Variants in ASPSCR1 observed in about 807,000 individuals in gnomAD.
ASPSCR1 encodes the protein ASPSCR1 tether for SLC2A4, UBX domain containing.
ASPSCR1 carries 55 observed loss-of-function variants against 68.9 expected under a neutral mutation model. That is an observed-to-expected ratio of 0.80 (90% CI 0.64 to 1.00). The LOEUF is 1.00. Ranked by LOEUF, ASPSCR1 falls within the 50% of genes least tolerant of loss-of-function variation. ASPSCR1 has a pLI of 0.00. For synonymous variants in ASPSCR1, 352 were observed against 332.6 expected, an observed-to-expected ratio of 1.06 and a Z score of -0.63; for missense variants, 765 against 762.2, an observed-to-expected ratio of 1.00 and a Z score of -0.04.
At chr17:82,002,837 C>T (rs1483336283) in intron 7 of ASPSCR1, among the ~76,000 whole-genome samples, 1 of 151,974 alleles carries the variant, frequency 6.6e-6, no homozygotes, top group Non-Finnish European at 1.5e-5. Context: ...GGATTACAGG[C>T]GTGAGCCACC....
At chr17:81,985,428 T>C in intron 3 of ASPSCR1, 79 bp from the exon 4 acceptor site, 1 of 1,466,314 alleles carries the variant, frequency 6.8e-7, no homozygotes, top group Non-Finnish European at 9.5e-7. Context: ...CCTCTCTGTG[T>C]CTGGAGAATC....
intron 4 of ASPSCR1, among the ~76,000 whole-genome samples, chr17:81,988,768 T>C (rs1489454267): frequency 6.6e-6 from 1 of 152,106 alleles, no homozygotes; most frequent in East Asian, 1.9e-4. Context: ...CATGTGGGTG[T>C]TGCGGGGCAT....
chr17:82,011,572 C>T lies in ASPSCR1; in HGVS notation c.1267C>T (p.His423Tyr). The change falls in exon 11 of 16, where the codon CAC (histidine) becomes TAC (tyrosine). Residue 423 changes from histidine to tyrosine, a missense_variant. Physicochemically the swap from His to Tyr is moderately conservative, Grantham distance 83. Transcript: ENST00000306739. ...VGDLRDFVRS[H>Y]LGNPELSFYL... ...GGACTTGCGAGACTTCGTGAGGAGC[C>T]ACCTGGGGAACCCCGAGCTGTCATT... The T allele has an allele frequency of 6.3e-7, 1 of 1,580,876 alleles. No homozygotes were observed. Among genetic ancestry groups the T allele is most frequent in the East Asian group, 2.3e-5 (1 of 42,594 alleles).
At chr17:81,991,265 C>T (rs535796938) in intron 4 of ASPSCR1, among the ~76,000 whole-genome samples, 1 of 152,302 alleles carries the variant, frequency 6.6e-6, no homozygotes, top group Non-Finnish European at 1.5e-5. Context: ...CCAGTGTGCC[C>T]GGCCCCTGGC....
At chr17:81,980,977 G>A (rs566049443) in intron 2 of ASPSCR1, among the ~76,000 whole-genome samples, 21 of 152,246 alleles carry the variant, frequency 1.4e-4, no homozygotes, top group African/African-American at 1.9e-4. Context: ...TCAGCCTGGG[G>A]AACATAGTGA....
intron 4 of ASPSCR1, among the ~76,000 whole-genome samples, chr17:81,991,734 C>G (rs1457819109): frequency 1.3e-5 from 2 of 152,248 alleles, no homozygotes; most frequent in Non-Finnish European, 2.9e-5. Context: ...GTGATGCCCT[C>G]TGCGGGCCTC....
chr17:81,988,508 G>A (rs1291885596), intron 4 of ASPSCR1, among the ~76,000 whole-genome samples: 1 of 152,066 alleles, frequency 6.6e-6, no homozygotes, highest in Non-Finnish European at 1.5e-5. Flanking sequence ...AGACACCAGG[G>A]ACAGCAGGAG....
chr17:81,995,812 G>T (rs1010915904), intron 5 of ASPSCR1, among the ~76,000 whole-genome samples, 180 bp from the exon 6 acceptor site: 2 of 152,206 alleles, frequency 1.3e-5, no homozygotes, highest in African/African-American at 4.8e-5. Context: ...CTGCAGACCA[G>T]ACTCAAGCTG....
intron 8 of ASPSCR1, 140 bp downstream of exon 8, chr17:82,009,331 G>A (rs1208588776): frequency 6.5e-6 from 9 of 1,394,654 alleles, no homozygotes; most frequent in Non-Finnish European, 8.6e-6. Context: ...GGACCTCAGA[G>A]GGTTGGGGCC....
chr17:81,991,405 T>A (rs978922235), intron 4 of ASPSCR1, among the ~76,000 whole-genome samples: 1 of 152,184 alleles, frequency 6.6e-6, no homozygotes, highest in African/African-American at 2.4e-5. Flanking sequence ...CTGGGTGATT[T>A]CTGCAGCCCT....
chr17:81,996,997 C>T, intron 7 of ASPSCR1, 151 bp downstream of exon 7: 1 of 1,452,724 alleles, frequency 6.9e-7, no homozygotes, highest in Non-Finnish European at 9.1e-7. Flanking sequence ...GGGCTCTGGA[C>T]AGGAGCCTTC....
At chr17:82,004,030 C>T (rs543410255) in intron 7 of ASPSCR1, among the ~76,000 whole-genome samples, 1 of 152,226 alleles carries the variant, frequency 6.6e-6, no homozygotes, top group Non-Finnish European at 1.5e-5. Flanking sequence ...CTCAGAGACG[C>T]TGGAAACTCT....
chr17:82,000,288 CGT>C (rs1466944583), intron 7 of ASPSCR1, among the ~76,000 whole-genome samples: 2 of 152,240 alleles, frequency 1.3e-5, no homozygotes, highest in African/African-American at 4.8e-5. Flanking sequence ...AGTGCCCGCC[CGT>C]GCTCGCCCGT....
At chr17:82,016,118 T>C (rs2043116734) in intron 12 of ASPSCR1, 2 of 274,876 alleles carry the variant, frequency 7.3e-6, no homozygotes, top group South Asian at 1.6e-4. Context: ...CCCTCCACGG[T>C]GGTCCCGGCG....
intron 12 of ASPSCR1, chr17:82,015,879 C>T (rs553331404): frequency 4.1e-5 from 7 of 171,722 alleles, no homozygotes; most frequent in Admixed American, 5.4e-5. Flanking sequence ...TGATCCCAGG[C>T]GGCACAATTG....
chr17:81,977,904 C>G lies in ASPSCR1; in HGVS notation c.102+156C>G, dbSNP rs1457500250. Reference sequence around the variant, plus strand: ...CGGCCCCGCCCCCTGCTCGCCGTCACCTGCGCTTCCGCTGGGGTCCCGGGG... The same window carrying G: ...CGGCCCCGCCCCCTGCTCGCCGTCAGCTGCGCTTCCGCTGGGGTCCCGGGG... On this transcript the variant is annotated intron_variant, in intron 1 of 15. Coordinates refer to ENST00000306739, the MANE Select transcript of ASPSCR1 (RefSeq NM_024083.4). The surrounding 1 kb of genome is among the most constrained non-coding windows in gnomAD (Gnocchi z 5.0). 2 of 471,398 alleles carry G rather than the reference C, an allele frequency of 4.2e-6. No homozygotes were observed. Among genetic ancestry groups the G allele is most frequent in the Non-Finnish European group, 6.4e-6 (2 of 312,866 alleles). 29.2% of individuals were successfully genotyped at this position (471,398 alleles called of 1,614,324 possible).
Position 82,009,561 on chromosome 17 carries a change from C to T in ASPSCR1, c.1164C>T (p.Tyr388=), listed in dbSNP as rs1192825787. The part of the protein sequence containing the change: ...EAQIKEKLER[Y]PKVALRVLFP... ...AGATAAAGGAGAAGCTGGAGCGCTA[C>T]CCAAAGGTCTGCAGACAGGATGTGG... The change falls in exon 9 of 16, where the codon TAC becomes TAT. Residue 388 remains tyrosine, a synonymous_variant. Coordinates refer to ENST00000306739, the MANE Select transcript of ASPSCR1 (RefSeq NM_024083.4). 12 of 1,579,872 alleles carry T rather than the reference C, an allele frequency of 7.6e-6. No homozygotes were observed. The highest frequency in any genetic ancestry group is 1.8e-4 in the Middle Eastern group (1 of 5,638).
At chr17:82,015,096 G>T (rs757265896) in intron 12 of ASPSCR1, 15 of 1,598,060 alleles carry the variant, frequency 9.4e-6, no homozygotes, top group African/African-American at 1.3e-5. Context: ...TGACCGGGTG[G>T]CTCCATTCAC....
chr17:81,982,108 A>G (rs1231419894), intron 2 of ASPSCR1, among the ~76,000 whole-genome samples: 1 of 152,050 alleles, frequency 6.6e-6, no homozygotes, highest in African/African-American at 2.4e-5. Context: ...AGCTGGGACT[A>G]CAGGCCTGTG....
Sources: gnomAD v4.1 joint callset for allele counts (sites outside exome capture counted in the v4.1 genomes callset) on GRCh38, gnomAD v4.1.1 for gene constraint, Gnocchi (gnomAD v3.1) non-coding constraint, MANE v1.5 for transcripts, NCBI Gene and HGNC (gene_info 2026-07-23, HGNC 2026-07-21) for gene names.